The following TMEM222 variants were observed in gnomAD, a reference collection of about 807,000 sequenced individuals.
The protein encoded by TMEM222 is chromosome 1 open reading frame 160.
A neutral mutation model predicts 25.1 loss-of-function variants in TMEM222; 18 were observed. The ratio of observed to expected loss-of-function variants is 0.72; its 90% CI spans 0.50 to 1.06. The LOEUF (loss-of-function observed/expected upper bound fraction) is 1.06, where lower values mean the gene tolerates loss of function less well. Ranked by LOEUF, TMEM222 falls within the 50% of genes least tolerant of loss-of-function variation. TMEM222 has a pLI of 0.00. For synonymous variants in TMEM222, 131 were observed against 117.9 expected (o/e 1.11, Z -0.72); for missense variants, 296 against 293.7 (o/e 1.01, Z -0.06).
chr1:27,325,658 T>C (rs879204486), intron 1 of TMEM222: 1 of 840,000 alleles, frequency 1.2e-6, no homozygotes, highest in Non-Finnish European at 2.1e-6. Context: ...TCAAGCTCAT[T>C]GTGCCCCCAG....
chr1:27,332,984 CT>C (rs2148018059), intron 3 of TMEM222: 1 of 296,258 alleles, frequency 3.4e-6, no homozygotes, highest in East Asian at 8.1e-5. Context: ...CCTCCCAGCT[CT>C]CCTTGGCCTG....
chr1:27,322,483 A>T, intron 1 of TMEM222, 92 bp downstream of exon 1: 1 of 1,240,702 alleles, frequency 8.1e-7, no homozygotes, highest in Non-Finnish European at 1.1e-6. Flanking sequence ...ACGCGCAGCA[A>T]GCCTTTTCCT....
chr1:27,330,739 G>C lies in TMEM222; in HGVS notation c.214G>C (p.Gly72Arg). 1 of 1,614,032 alleles carries C rather than the reference G, an allele frequency of 6.2e-7. No individual in the cohort carries two copies. The highest frequency in any genetic ancestry group is 8.5e-7 in the Non-Finnish European group (1 of 1,180,008). Residue 72 changes from glycine (G) to arginine (R), a missense_variant, in exon 2 of 6, where the codon GGC becomes CGC. Transcript: ENST00000374076. ...PVLTWFFPII[G>R]HMGICTSTGV... is the part of the protein sequence containing the mutation. ...TCACAGGTGGTTTTTCCCCATCATC[G>C]GCCACATGGGCATCTGCACATCCAC...
intron 1 of TMEM222, among the ~76,000 whole-genome samples, chr1:27,328,082 A>G (rs1466006870): frequency 6.6e-6 from 1 of 152,228 alleles, no homozygotes; most frequent in Non-Finnish European, 1.5e-5. Context: ...TTTGGATGGT[A>G]GTAGATACTA....
intron 5 of TMEM222, 46 bp downstream of exon 5, chr1:27,334,327 G>T (rs749668437): frequency 6.2e-7 from 1 of 1,611,742 alleles, no homozygotes; most frequent in East Asian, 2.2e-5. Flanking sequence ...CCCAGAGGCT[G>T]CTCTCCCAAG....
chr1:27,335,363 C>T lies in TMEM222; in HGVS notation c.540-16C>T, dbSNP rs1333449809. Reference sequence around the variant, plus strand: ...CAGGCCCTGCCCACCTATGCTCGCTCCTTTCTCTCTGTCAGCGTTGGGGCC... The same window carrying T: ...CAGGCCCTGCCCACCTATGCTCGCTTCTTTCTCTCTGTCAGCGTTGGGGCC... On this transcript the variant is annotated splice_polypyrimidine_tract_variant and intron_variant, in intron 5 of 5. Transcript: ENST00000374076. The T allele has an allele frequency of 1.9e-6, 3 of 1,613,976 alleles. No individual in the cohort carries two copies. The highest frequency in any genetic ancestry group is 1.6e-4 in the Middle Eastern group (1 of 6,062).
intron 1 of TMEM222, among the ~76,000 whole-genome samples, chr1:27,329,454 C>T (rs77535610): frequency 0.029 from 4,382 of 152,190 alleles, 103 homozygotes; most frequent in African/African-American, 0.059. Context: ...TTGGACTTCA[C>T]GTAAACAGAG....
intron 3 of TMEM222, 77 bp downstream of exon 3, chr1:27,332,178 C>T: frequency 2.6e-6 from 4 of 1,531,800 alleles, no homozygotes; most frequent in Non-Finnish European, 3.6e-6. Flanking sequence ...TTCTGGGGCA[C>T]AGGAGGGGCC....
intron 5 of TMEM222, chr1:27,335,051 T>C: frequency 2.6e-6 from 1 of 380,838 alleles, no homozygotes; most frequent in East Asian, 5.3e-5. Flanking sequence ...CCTGGTCCTC[T>C]TGCTGGAGAC....
chr1:27,331,617 G>A (rs560562276), intron 2 of TMEM222, among the ~76,000 whole-genome samples: 15 of 152,274 alleles, frequency 9.9e-5, no homozygotes, highest in Admixed American at 2.6e-4. Context: ...CAGCGCCCCC[G>A]CCCTGCTATG....
chr1:27,324,792 C>T (rs377659882), intron 1 of TMEM222, among the ~76,000 whole-genome samples: 4 of 151,978 alleles, frequency 2.6e-5, no homozygotes, highest in Non-Finnish European at 5.9e-5. Context: ...TCTCACATGG[C>T]GGGATTAGGA....
chr1:27,325,677 T>C (rs773945656), intron 1 of TMEM222: 5 of 829,980 alleles, frequency 6.0e-6, no homozygotes, highest in Non-Finnish European at 1.1e-5. Flanking sequence ...AGAGTGCAAG[T>C]ACTCTGTGTG....
chr1:27,322,764 T>C (rs1013323719), intron 1 of TMEM222, among the ~76,000 whole-genome samples: 2 of 152,196 alleles, frequency 1.3e-5, no homozygotes, highest in African/African-American at 4.8e-5. Context: ...TCGCTTACCA[T>C]ATTCCAGACA....
intron 1 of TMEM222, among the ~76,000 whole-genome samples, chr1:27,323,561 G>T (rs185085929): frequency 4.0e-5 from 6 of 151,882 alleles, no homozygotes; most frequent in Admixed American, 1.3e-4. Context: ...GGGTGGATCG[G>T]TAGGTAGTTC....
At chr1:27,326,461 T>C (rs749112640) in intron 1 of TMEM222, among the ~76,000 whole-genome samples, 2 of 152,108 alleles carry the variant, frequency 1.3e-5, no homozygotes, top group South Asian at 2.1e-4. Context: ...TCTACTGTTA[T>C]GTGAGAACAT....
In TMEM222 at chr1:27,334,410, G is replaced by T. The variant is rs967479964; in HGVS notation, c.539+129G>T. ...TGGAACAGATGCCAGTTGGAGCCGT[G>T]GTGGTTCTAGAGTGACGAGCTGAGG... On this transcript the variant is annotated intron_variant, in intron 5 of 5. Coordinates refer to ENST00000374076, the MANE Select transcript of TMEM222 (RefSeq NM_032125.3). 7.6e-6 allele frequency: 11 copies of T among 1,449,614 alleles called. No individual in the cohort carries two copies. The African/African-American group carries it at 1.3e-4, about 17-fold the overall frequency. 89.8% of individuals were successfully genotyped at this position (1,449,614 alleles called of 1,614,324 possible).
chr1:27,334,159 C>T lies in TMEM222; in HGVS notation c.417C>T (p.Leu139=). ...SEEYKHRMHN[L]CCDNCHSHVA... The stretch of plus-strand genomic sequence containing the variant: ...CCTTCTGGTGCCTCCAGCACAATCT[C>T]TGCTGTGACAACTGCCACTCGCACG... Residue 139 remains leucine (L), a synonymous_variant, in exon 5 of 6, where the codon CTC becomes CTT. Coordinates refer to ENST00000374076, the MANE Select transcript of TMEM222 (RefSeq NM_032125.3). 6.2e-7 allele frequency: 1 copy of T among 1,614,186 alleles called. No individual in the cohort carries two copies. The highest frequency in any genetic ancestry group is 8.5e-7 in the Non-Finnish European group (1 of 1,180,034).
At chr1:27,330,128 G>A (rs2014445417) in intron 1 of TMEM222, among the ~76,000 whole-genome samples, 1 of 151,890 alleles carries the variant, frequency 6.6e-6, no homozygotes, top group African/African-American at 2.4e-5. Flanking sequence ...GCCGGGTGCA[G>A]TGGCTTATGC....
Position 27,334,058 on chromosome 1 carries a change from G to C in TMEM222, c.408+4G>C. 2 of 1,614,152 alleles carry C rather than the reference G, an allele frequency of 1.2e-6. No homozygotes were observed. Among genetic ancestry groups the C allele is most frequent in the Non-Finnish European group, 1.7e-6 (2 of 1,180,012 alleles). ...TGAGGAGTACAAGCACCGCATGGTA[G>C]GTGGGCCAGGGCGGCACCGGCACTC... On this transcript the variant is annotated splice_donor_region_variant and intron_variant, in intron 4 of 5. Coordinates refer to ENST00000374076, the MANE Select transcript of TMEM222 (RefSeq NM_032125.3).
Sources: allele counts gnomAD v4.1 joint callset (sites outside exome capture counted in the v4.1 genomes callset), GRCh38; gene constraint gnomAD v4.1.1; transcripts MANE v1.5; gene names NCBI Gene and HGNC (gene_info 2026-07-23, HGNC 2026-07-21).